Variants in TEKT3 observed in about 807,000 individuals in gnomAD.
The protein encoded by TEKT3 is tektin 3.
TEKT3 carries 49 observed loss-of-function variants against 49.8 expected under a neutral mutation model. That is an observed-to-expected ratio of 0.98 (90% CI 0.78 to 1.25). TEKT3 has a LOEUF of 1.25. Ranked by LOEUF, TEKT3 falls within the 50% of genes most tolerant of loss-of-function variation. TEKT3 has a pLI of 0.00. For synonymous variants in TEKT3, 225 were observed against 237.2 expected (o/e 0.95, Z 0.47); for missense variants, 595 against 629.5 (o/e 0.95, Z 0.59).
Position 15,303,924 on chromosome 17 carries a change from C to G in TEKT3, c.*12G>C. 3 of 1,613,342 alleles carry G rather than the reference C, an allele frequency of 1.9e-6. No individual in the cohort carries two copies. The South Asian group carries it at 3.3e-5, about 18-fold the overall frequency. ...TAACTTAGGGGTATCAAAACCACAC[C>G]CGGTGGGGTCCCTAGCAGAAGCCGA... On this transcript the variant is annotated 3_prime_UTR_variant, in exon 9 of 9. Coordinates refer to ENST00000395930, the MANE Select transcript of TEKT3 (RefSeq NM_031898.3).
chr17:15,327,803 C>T (rs2150747808), intron 4 of TEKT3, 189 bp downstream of exon 4: 1 of 448,582 alleles, frequency 2.2e-6, no homozygotes, highest in Non-Finnish European at 4.0e-6. Flanking sequence ...TACTCGTTTG[C>T]ATTTTCATAT....
At chr17:15,340,881 T>A (rs1354553151) in intron 1 of TEKT3, among the ~76,000 whole-genome samples, 1 of 152,210 alleles carries the variant, frequency 6.6e-6, no homozygotes, top group Non-Finnish European at 1.5e-5. Flanking sequence ...TTTTTCACAA[T>A]AATCAAACAA....
rs1311462692 is a variant in TEKT3, at chr17:15,304,136, G to A, written c.1273C>T (p.His425Tyr). ...GTCTGGATGGTGTCGTCAACCTCGTGTACCTCGTTAACAAGGCTGCAGCAT... is the reference window on the plus strand; with the variant it reads ...GTCTGGATGGTGTCGTCAACCTCGTATACCTCGTTAACAAGGCTGCAGCAT... ...MAQLRLVNEVHEVDDTIQTLQ... is the reference protein window; with the variant it reads ...MAQLRLVNEVYEVDDTIQTLQ... The change falls in exon 9 of 9, where the codon CAC becomes TAC. Residue 425 changes from histidine (H) to tyrosine (Y), a missense_variant. Coordinates refer to ENST00000395930, the MANE Select transcript of TEKT3 (RefSeq NM_031898.3). This position sits in a 1 kb window ranked among gnomAD's most constrained non-coding sequence, Gnocchi z 4.7. The A allele has an allele frequency of 1.9e-6, 3 of 1,613,528 alleles. No homozygotes were observed. The highest frequency in any genetic ancestry group is 2.5e-6 in the Non-Finnish European group (3 of 1,179,940).
chr17:15,319,886 T>C (rs112601909), intron 4 of TEKT3, among the ~76,000 whole-genome samples: 2 of 152,230 alleles, frequency 1.3e-5, no homozygotes, highest in African/African-American at 4.8e-5. Context: ...TGCACATTGT[T>C]ACTGTTATCA....
Position 15,312,444 on chromosome 17 carries a change from C to G in TEKT3, c.916G>C (p.Asp306His). The G allele has an allele frequency of 6.2e-7, 1 of 1,614,122 alleles. No homozygotes were observed. Residue 306 changes from aspartate to histidine, a missense_variant, in exon 7 of 9, where the codon GAC (aspartate) becomes CAC (histidine). Transcript: ENST00000395930. ...VPESWAKFTD[D>H]NILRSQSERA... Reference sequence around the variant, plus strand: ...TCACTCTGGGAGCGGAGAATATTGTCATCTGTAAATTTGGCCCAGGACTCA... The same window carrying G: ...TCACTCTGGGAGCGGAGAATATTGTGATCTGTAAATTTGGCCCAGGACTCA...
At chr17:15,310,459 A>G (rs1194062486) in intron 7 of TEKT3, among the ~76,000 whole-genome samples, 1 of 152,174 alleles carries the variant, frequency 6.6e-6, no homozygotes, top group African/African-American at 2.4e-5. Flanking sequence ...CCCTAATACA[A>G]TACAACTTTG....
intron 6 of TEKT3, 74 bp downstream of exon 6, chr17:15,314,013 T>C (rs973359403): frequency 5.6e-6 from 9 of 1,601,432 alleles, no homozygotes; most frequent in Middle Eastern, 3.8e-4. Flanking sequence ...TTTTAACCTG[T>C]AAGCTGTGTC....
intron 3 of TEKT3, 24 bp from the exon 4 acceptor site, chr17:15,328,099 A>T (rs369419104): frequency 6.2e-7 from 1 of 1,600,550 alleles, no homozygotes; most frequent in Non-Finnish European, 8.6e-7. Flanking sequence ...GATAATGGAA[A>T]GCACTAATAA....
chr17:15,336,137 C>A (rs1433514826), intron 2 of TEKT3, among the ~76,000 whole-genome samples: 5 of 151,992 alleles, frequency 3.3e-5, no homozygotes, highest in Non-Finnish European at 5.9e-5. Flanking sequence ...TACGTGCACA[C>A]ACACAACCCC....
At position 15,328,011 on chromosome 17, in the gene TEKT3, AC is replaced by A; in HGVS notation, c.643del (p.Val215LeufsTer6). The A allele has an allele frequency of 6.2e-7, 1 of 1,614,030 alleles. No individual in the cohort carries two copies. The highest frequency in any genetic ancestry group is 8.5e-7 in the Non-Finnish European group (1 of 1,179,952). On this transcript the variant is annotated frameshift_variant, in exon 4 of 9. Coordinates refer to ENST00000395930, the MANE Select transcript of TEKT3 (RefSeq NM_031898.3). LOFTEE classifies it high-confidence loss of function. Reference protein sequence around the residue: ...RMGIDLVHDEVEAQLLTEVDT... With the variant: ...RMGIDLVHDEXEAQLLTEVDT... ...ATTTACCGTCAGCAGTTGTGCTTCA[AC>A]TTCATCGTGAACTAGGTCGATTCCC...
rs767073933 is a variant in TEKT3 at position 15,314,239 on chromosome 17, CAG to C, written c.735-11_735-10del. 2 of 1,613,986 alleles carry C rather than the reference CAG, an allele frequency of 1.2e-6. No individual in the cohort carries two copies. The highest frequency in any genetic ancestry group is 2.7e-5 in the African/African-American group (2 of 74,942). Reference sequence around the variant, plus strand: ...GGGACGCTCTGTTGGCTCTGCAATACAGAGTCGGGAAGTGGAGCTTCACACTC... The same window carrying C: ...GGGACGCTCTGTTGGCTCTGCAATACAGTCGGGAAGTGGAGCTTCACACTC... On this transcript the variant is annotated splice_polypyrimidine_tract_variant and intron_variant, in intron 5 of 8. Coordinates refer to ENST00000395930, the MANE Select transcript of TEKT3 (RefSeq NM_031898.3).
At chr17:15,342,952 T>G (rs1912278850), upstream of TEKT3, among the ~76,000 whole-genome samples, 1 of 152,250 alleles carries the variant, frequency 6.6e-6, no homozygotes, top group Admixed American at 6.5e-5. Flanking sequence ...TTATTACTTT[T>G]TTCTCATGCA....
intron 5 of TEKT3, 191 bp from the exon 6 acceptor site, chr17:15,314,421 C>T: frequency 1.7e-6 from 1 of 602,466 alleles, no homozygotes; most frequent in Non-Finnish European, 2.8e-6. Flanking sequence ...GTCACTGGGA[C>T]CCTAACTCCC....
chr17:15,309,520 C>G (rs1406721912), intron 7 of TEKT3, among the ~76,000 whole-genome samples: 1 of 152,168 alleles, frequency 6.6e-6, no homozygotes, highest in Non-Finnish European at 1.5e-5. Context: ...GAAAAGCCTC[C>G]CTTCTCCACG....
Position 15,314,146 on chromosome 17 carries a change from G to C in TEKT3, c.819C>G (p.His273Gln), listed in dbSNP as rs562933565. 212 of 1,614,222 alleles carry C rather than the reference G, an allele frequency of 1.3e-4. 3 individuals carry two copies. The South Asian group carries it at 2.1e-3, about 16-fold the overall frequency. Residue 273 changes from histidine (H) to glutamine (Q), a missense_variant, in exon 6 of 9, where the codon CAC becomes CAG. Coordinates refer to ENST00000395930, the MANE Select transcript of TEKT3 (RefSeq NM_031898.3). ...TAYRIDDKCH[H>Q]LRNTSDGVGY... is the part of the protein sequence containing the mutation. ...CGACACCGTCTGATGTGTTGCGCAG[G>C]TGGTGGCATTTGTCGTCGATCCGGT... is the stretch of plus-strand genomic sequence containing the variant.
upstream of TEKT3, among the ~76,000 whole-genome samples, chr17:15,343,476 AT>A (rs913474790): frequency 6.6e-6 from 1 of 152,232 alleles, no homozygotes. Flanking sequence ...ATTAAAAAAA[AT>A]AAAGCAAGAC....
chr17:15,306,707 T>C (rs1288647386), intron 8 of TEKT3: 2 of 152,012 alleles, frequency 1.3e-5, no homozygotes, highest in African/African-American at 4.8e-5. Context: ...GTATAAACAA[T>C]TTATTTGTTC....
At chr17:15,324,281 C>T (rs1911393177) in intron 4 of TEKT3, among the ~76,000 whole-genome samples, 2 of 151,850 alleles carry the variant, frequency 1.3e-5, no homozygotes, top group Non-Finnish European at 2.9e-5. Flanking sequence ...CACATCATTC[C>T]TTTTTTTTGG....
In TEKT3 at chr17:15,312,438, T is replaced by C. The variant is rs1198612841; in HGVS notation, c.922A>G (p.Ile308Val). The change falls in exon 7 of 9, where the codon ATT (isoleucine) becomes GTT (valine). Residue 308 changes from isoleucine to valine, a missense_variant. Physicochemically the swap from Ile to Val is conservative, Grantham distance 29. Coordinates refer to ENST00000395930, the MANE Select transcript of TEKT3 (RefSeq NM_031898.3). ...GCCCGTTCACTCTGGGAGCGGAGAA[T>C]ATTGTCATCTGTAAATTTGGCCCAG... ...ESWAKFTDDN[I>V]LRSQSERAAS... The C allele has an allele frequency of 6.2e-7, 1 of 1,614,166 alleles. No individual in the cohort carries two copies. Among genetic ancestry groups the C allele is most frequent in the South Asian group, 1.1e-5 (1 of 91,078 alleles).
Sources: allele counts gnomAD v4.1 joint callset (sites outside exome capture counted in the v4.1 genomes callset), GRCh38; gene constraint gnomAD v4.1.1; non-coding constraint Gnocchi (gnomAD v3.1); transcripts MANE v1.5; gene names NCBI Gene and HGNC (gene_info 2026-07-23, HGNC 2026-07-21).